The following SYNE1 variants were observed in gnomAD, a reference collection of about 807,000 sequenced individuals.
SYNE1 encodes the protein spectrin repeat containing nuclear envelope protein 1.
In SYNE1, 616 loss-of-function variants were observed where a neutral mutation model predicts 1,111.0. The ratio of observed to expected loss-of-function variants is 0.55; its 90% CI spans 0.52 to 0.59. The LOEUF (loss-of-function observed/expected upper bound fraction) is 0.59. SYNE1 is among the 20% of genes least tolerant of loss of function. The pLI is 0.00. For missense variants in SYNE1, 10,006 were observed against 10,417.0 expected, an observed-to-expected ratio of 0.96 and a Z score of 1.72; for synonymous variants, 3,855 against 3,825.8, an observed-to-expected ratio of 1.01 and a Z score of -0.28.
At chr6:152,216,463 A>C (rs142750345) in intron 121 of SYNE1, among the ~76,000 whole-genome samples, 174 of 152,346 alleles carry the variant, frequency 1.1e-3, no homozygotes, top group African/African-American at 4.0e-3. Context: ...GACATTGAAC[A>C]AAATGACCAG....
chr6:152,370,629 C>A (rs1417599645), intron 59 of SYNE1, among the ~76,000 whole-genome samples: 2 of 152,150 alleles, frequency 1.3e-5, no homozygotes, highest in African/African-American at 2.4e-5. Context: ...CATCTACTGT[C>A]TCTTACTTAT....
At chr6:152,463,018 C>T (rs1433297489) in intron 19 of SYNE1, 128 bp from the exon 20 acceptor site, 14 of 1,161,108 alleles carry the variant, frequency 1.2e-5, no homozygotes, top group Non-Finnish European at 1.7e-5. Flanking sequence ...CTTTGATTCT[C>T]ATTTTAGATA....
chr6:152,520,100 G>C (rs2099131486), intron 6 of SYNE1, among the ~76,000 whole-genome samples: 1 of 152,154 alleles, frequency 6.6e-6, no homozygotes. Context: ...TGTAAGATGT[G>C]ATACTAGAGT....
intron 115 of SYNE1, among the ~76,000 whole-genome samples, chr6:152,226,779 G>A (rs992604961): frequency 2.0e-5 from 3 of 152,118 alleles, no homozygotes; most frequent in Non-Finnish European, 2.9e-5. Context: ...CCAGTCTTTG[G>A]AGCCTATGGA....
chr6:152,236,511 T>G (rs769109405), intron 109 of SYNE1, among the ~76,000 whole-genome samples: 6 of 151,882 alleles, frequency 4.0e-5, no homozygotes, highest in Non-Finnish European at 7.4e-5. Flanking sequence ...TTTTTTTTGG[T>G]AATGACTTTA....
intron 133 of SYNE1, among the ~76,000 whole-genome samples, chr6:152,154,311 C>T (rs1368943414): frequency 2.0e-5 from 3 of 152,126 alleles, no homozygotes; most frequent in South Asian, 4.1e-4. Flanking sequence ...TATGATTACA[C>T]TACAGCTATT....
Position 152,347,203 on chromosome 6 carries a change from G to A in SYNE1, c.11934C>T (p.Asp3978=). ...AMMEEIAGFE[D]RLNNLQMKGD... is the part of the protein sequence containing the mutation. ...CTTTCATTTGAAGATTGTTCAAACGGTCTTCAAAACCAGCAATTTCTTCCA... is the reference window on the plus strand; with the variant it reads ...CTTTCATTTGAAGATTGTTCAAACGATCTTCAAAACCAGCAATTTCTTCCA... The change falls in exon 73 of 146, where the codon GAC becomes GAT. Residue 3978 remains aspartate (D), a synonymous_variant. Coordinates refer to ENST00000367255, the MANE Select transcript of SYNE1 (RefSeq NM_182961.4). The A allele has an allele frequency of 6.2e-7, 1 of 1,614,176 alleles. No homozygotes were observed. Among genetic ancestry groups the A allele is most frequent in the Non-Finnish European group, 8.5e-7 (1 of 1,180,044 alleles).
chr6:152,606,846 G>A (rs950257691), intron 3 of SYNE1, among the ~76,000 whole-genome samples: 3 of 150,922 alleles, frequency 2.0e-5, no homozygotes, highest in African/African-American at 7.3e-5. Context: ...AGTAGAGATG[G>A]GGTTTCACCA....
rs574702893 is a variant in SYNE1, at chr6:152,312,337, G to A, written c.16711-1464C>T. Among the ~76,000 whole-genome samples the A allele has an allele frequency of 4.0e-4, 60 of 150,296 alleles. No individual in the cohort carries two copies. In the South Asian group the frequency reaches 0.012, roughly 29 times the overall value. On this transcript the variant is annotated intron_variant, in intron 87 of 145. Transcript: ENST00000367255. ...CGATTCTCCTGCCTCAGCTTCCCGA[G>A]TAGCTGGGATTACAGGCATGAGCCG...
chr6:152,561,190 G>C (rs533983388), intron 3 of SYNE1, among the ~76,000 whole-genome samples: 19 of 152,066 alleles, frequency 1.2e-4, no homozygotes, highest in African/African-American at 4.6e-4. Flanking sequence ...CCAAAAAAAT[G>C]GTTATAACTG....
Position 152,254,244 on chromosome 6 carries a change from C to CTTTTTT in SYNE1, c.19470+630_19470+635dup, listed in dbSNP as rs773598537. Reference sequence around the variant, plus strand: ...TATATTCCAACACTTTCTGCATACTCTTTTTTTTTTTTTTTTTTTTTTTTT... The same window carrying CTTTTTT: ...TATATTCCAACACTTTCTGCATACTCTTTTTTTTTTTTTTTTTTTTTTTTTTTTTTT... On this transcript the variant is annotated intron_variant, in intron 104 of 145. Transcript: ENST00000367255. Among the ~76,000 whole-genome samples, 118 of 73,170 alleles carry CTTTTTT rather than the reference C, an allele frequency of 1.6e-3. 2 individuals carry two copies. The highest frequency in any genetic ancestry group is 1.7e-3 in the Non-Finnish European group (71 of 42,326). The allele number at this position is 73,170 out of a possible 152,430, so 48.0% of individuals were successfully genotyped here.
At chr6:152,236,038 C>G in intron 110 of SYNE1, 69 bp downstream of exon 110, 2 of 1,530,518 alleles carry the variant, frequency 1.3e-6, no homozygotes, top group Non-Finnish European at 1.8e-6. Flanking sequence ...CATCATCCCC[C>G]ACCCGCACTA....
chr6:152,312,246 G>A (rs2095576276), intron 87 of SYNE1, among the ~76,000 whole-genome samples: 1 of 130,362 alleles, frequency 7.7e-6, no homozygotes, highest in Non-Finnish European at 1.6e-5. Flanking sequence ...TTTTGCTCCT[G>A]TTGCCCAGGC....
intron 75 of SYNE1, among the ~76,000 whole-genome samples, chr6:152,337,394 A>G (rs1372384569): frequency 6.6e-6 from 1 of 151,792 alleles, no homozygotes; most frequent in Non-Finnish European, 1.5e-5. Context: ...GGTTCAAGTG[A>G]TTCTCCTGCC....
intron 46 of SYNE1, chr6:152,402,314 A>T (rs2097833943): frequency 6.6e-6 from 1 of 152,138 alleles, no homozygotes; most frequent in Non-Finnish European, 1.5e-5. Flanking sequence ...TTACTTTCTC[A>T]TTCCTCAGCC....
intron 29 of SYNE1, among the ~76,000 whole-genome samples, chr6:152,444,963 A>G (rs1410241839): frequency 6.6e-6 from 1 of 152,138 alleles, no homozygotes; most frequent in East Asian, 1.9e-4. Context: ...CACTTGACAT[A>G]TAAACACAGA....
At chr6:152,132,302 C>T (rs2055958407) in intron 143 of SYNE1, 88 bp from the exon 144 acceptor site, 7 of 1,032,888 alleles carry the variant, frequency 6.8e-6, no homozygotes, top group Non-Finnish European at 1.1e-5. Context: ...CACTCCATCT[C>T]CATCCACCCC....
intron 5 of SYNE1, among the ~76,000 whole-genome samples, chr6:152,523,323 A>G (rs1224384632): frequency 2.6e-5 from 4 of 151,842 alleles, no homozygotes; most frequent in Non-Finnish European, 4.4e-5. Context: ...CATTTCTTCA[A>G]TCTACATTTT....
chr6:152,139,167 C>T (rs1222682565), intron 140 of SYNE1, among the ~76,000 whole-genome samples: 2 of 152,168 alleles, frequency 1.3e-5, no homozygotes, highest in Non-Finnish European at 2.9e-5. Flanking sequence ...TACCTGGATG[C>T]TTCATGAAAT....
Sources: gnomAD v4.1 joint callset for allele counts (sites outside exome capture counted in the v4.1 genomes callset) on GRCh38, gnomAD v4.1.1 for gene constraint, MANE v1.5 for transcripts, NCBI Gene and HGNC (gene_info 2026-07-23, HGNC 2026-07-21) for gene names.